The following CCDC148 variants were observed in gnomAD, a reference collection of about 807,000 sequenced individuals.
CCDC148 encodes the protein coiled-coil domain-containing protein 148.
CCDC148 carries 89 observed loss-of-function variants against 85.7 expected under a neutral mutation model. The observed-to-expected ratio is 1.04, with a 90% confidence interval of 0.87 to 1.24. The LOEUF (loss-of-function observed/expected upper bound fraction) is 1.24. Among genes scored for constraint, CCDC148 ranks in the 50% most tolerant of loss-of-function variants. CCDC148 has a pLI of 0.00. For missense variants in CCDC148, 692 were observed against 671.7 expected (o/e 1.03, Z -0.33); for synonymous variants, 230 against 213.9 (o/e 1.08, Z -0.66).
chr2:158,390,836 C>A (rs111619055), intron 1 of CCDC148, among the ~76,000 whole-genome samples: 4,081 of 152,160 alleles, frequency 0.027, 74 homozygotes, highest in Middle Eastern at 0.092. Context: ...AGAATCCTGA[C>A]AAATAACACT....
intron 10 of CCDC148, among the ~76,000 whole-genome samples, chr2:158,226,047 T>C (rs1687499090): frequency 6.6e-6 from 1 of 152,118 alleles, no homozygotes; most frequent in African/African-American, 2.4e-5. Flanking sequence ...ACAAAATTGA[T>C]AGACTGCTAG....
chr2:158,280,780 A>G (rs2105174882), intron 9 of CCDC148, among the ~76,000 whole-genome samples: 1 of 152,330 alleles, frequency 6.6e-6, no homozygotes, highest in East Asian at 1.9e-4. Flanking sequence ...AGCGGACCTA[A>G]TACACATCTA....
At chr2:158,377,411 T>C (rs1462768119) in intron 1 of CCDC148, among the ~76,000 whole-genome samples, 2 of 151,896 alleles carry the variant, frequency 1.3e-5, no homozygotes, top group Non-Finnish European at 2.9e-5. Context: ...TAACATGAAA[T>C]AGTCATTAAC....
rs1199147199 is a variant in CCDC148 at position 158,352,187 on chromosome 2, A to T, written c.147+6262T>A. On this transcript the variant is annotated intron_variant, in intron 2 of 13. Coordinates refer to ENST00000283233, the MANE Select transcript of CCDC148 (RefSeq NM_138803.4). ...AGAGTGCCTCTCCTCCTCCAAAGGAACGCAGTTCCTCACCAGCAACGGAAC... is the reference window on the plus strand; with the variant it reads ...AGAGTGCCTCTCCTCCTCCAAAGGATCGCAGTTCCTCACCAGCAACGGAAC... Among the ~76,000 whole-genome samples, 20 of 150,566 alleles carry T rather than the reference A, an allele frequency of 1.3e-4. No homozygotes were observed. In the South Asian group the frequency reaches 1.7e-3, roughly 13 times the overall value.
chr2:158,206,110 C>A (rs1314384180), intron 11 of CCDC148, among the ~76,000 whole-genome samples: 1 of 152,108 alleles, frequency 6.6e-6, no homozygotes, highest in Admixed American at 6.6e-5. Context: ...GTTTATTCCT[C>A]ACAAGAACCA....
rs548408126 is a variant in CCDC148, at chr2:158,228,725, A to G, written c.1252-8012T>C. ...TCGCAAGGACAAAAAACCAAACACC[A>G]CATGTTCTCACTCATAGGTGGGAAT... On this transcript the variant is annotated intron_variant, in intron 10 of 13. Coordinates refer to ENST00000283233, the MANE Select transcript of CCDC148 (RefSeq NM_138803.4). Among the ~76,000 whole-genome samples the G allele has an allele frequency of 6.2e-3, 928 of 148,618 alleles. 10 individuals are homozygous for G. Among genetic ancestry groups the G allele is most frequent in the African/African-American group, 0.022 (879 of 40,614 alleles).
chr2:158,297,591 G>A (rs1691251015), intron 9 of CCDC148, among the ~76,000 whole-genome samples: 1 of 152,186 alleles, frequency 6.6e-6, no homozygotes. Flanking sequence ...GACACCCTCT[G>A]TGTCAGAGTT....
chr2:158,331,428 T>A (rs1693110778), intron 7 of CCDC148, among the ~76,000 whole-genome samples: 2 of 152,228 alleles, frequency 1.3e-5, no homozygotes, highest in Non-Finnish European at 2.9e-5. Context: ...TACTTCCAAC[T>A]ACGTGGTCAA....
At chr2:158,297,253 G>A (rs1302895139) in intron 9 of CCDC148, among the ~76,000 whole-genome samples, 1 of 152,098 alleles carries the variant, frequency 6.6e-6, no homozygotes, top group Non-Finnish European at 1.5e-5. Flanking sequence ...GATCCCTAAT[G>A]CTCTAAAAGA....
intron 1 of CCDC148, among the ~76,000 whole-genome samples, chr2:158,432,056 T>C (rs1160091248): frequency 6.6e-6 from 1 of 152,174 alleles, no homozygotes; most frequent in Non-Finnish European, 1.5e-5. Context: ...AAGGGTTTTA[T>C]ATAATGAATA....
At chr2:158,370,625 T>C (rs1047900839) in intron 1 of CCDC148, among the ~76,000 whole-genome samples, 1 of 152,048 alleles carries the variant, frequency 6.6e-6, no homozygotes, top group African/African-American at 2.4e-5. Context: ...CACATCACTT[T>C]CATTATAAAA....
intron 9 of CCDC148, among the ~76,000 whole-genome samples, chr2:158,268,500 T>C (rs1337672084): frequency 6.6e-6 from 1 of 152,174 alleles, no homozygotes; most frequent in Non-Finnish European, 1.5e-5. Context: ...GTATACAACA[T>C]GATGATTCTA....
intron 9 of CCDC148, among the ~76,000 whole-genome samples, chr2:158,304,744 C>T (rs1031711664): frequency 1.3e-5 from 2 of 151,968 alleles, no homozygotes; most frequent in Non-Finnish European, 2.9e-5. Context: ...CATCAGAGAG[C>T]AGAGGTCACA....
intron 11 of CCDC148, among the ~76,000 whole-genome samples, chr2:158,210,787 CAAAAAAAA>C (rs34273946): frequency 2.2e-5 from 2 of 89,484 alleles, no homozygotes; most frequent in Non-Finnish European, 4.1e-5. Context: ...ACTAAAAATA[CAAAAAAAA>C]AAAAAAAAAA....
At chr2:158,422,414 G>T (rs955000854) in intron 1 of CCDC148, among the ~76,000 whole-genome samples, 2 of 152,176 alleles carry the variant, frequency 1.3e-5, no homozygotes, top group African/African-American at 2.4e-5. Context: ...TCCCTGGGAT[G>T]CAAGGCTTGT....
intron 7 of CCDC148, among the ~76,000 whole-genome samples, chr2:158,329,579 G>C (rs1474923193): frequency 6.6e-6 from 1 of 151,932 alleles, no homozygotes; most frequent in African/African-American, 2.4e-5. Flanking sequence ...GGATGGCATT[G>C]AATCTATAAA....
At chr2:158,406,785 G>C (rs1686045475) in intron 1 of CCDC148, among the ~76,000 whole-genome samples, 1 of 151,638 alleles carries the variant, frequency 6.6e-6, no homozygotes, top group Non-Finnish European at 1.5e-5. Flanking sequence ...GCCATGCCCA[G>C]CTAATGTTTG....
At chr2:158,262,659 A>T (rs1277534758) in intron 9 of CCDC148, among the ~76,000 whole-genome samples, 2 of 152,138 alleles carry the variant, frequency 1.3e-5, no homozygotes, top group East Asian at 1.9e-4. Flanking sequence ...CATGTCTTAC[A>T]TAGTGGCAGG....
At chr2:158,273,043 T>A (rs1475757866) in intron 9 of CCDC148, among the ~76,000 whole-genome samples, 1 of 152,194 alleles carries the variant, frequency 6.6e-6, no homozygotes, top group Non-Finnish European at 1.5e-5. Context: ...TATGAGATGA[T>A]GACTTTGGAA....
Sources: allele counts gnomAD v4.1 joint callset (sites outside exome capture counted in the v4.1 genomes callset), GRCh38; gene constraint gnomAD v4.1.1; transcripts MANE v1.5; gene names NCBI Gene and HGNC (gene_info 2026-07-23, HGNC 2026-07-21).